The following CNKSR2 variants were observed in gnomAD, a reference collection of about 807,000 sequenced individuals.
CNKSR2 encodes the protein CNK homolog protein 2.
Under a neutral mutation model 84.4 loss-of-function variants are expected in CNKSR2, and 14 were observed. The ratio of observed to expected loss-of-function variants is 0.17; its 90% CI spans 0.11 to 0.26. The LOEUF (loss-of-function observed/expected upper bound fraction) is 0.26, where lower values mean the gene tolerates loss of function less well. Among genes scored for constraint, CNKSR2 ranks in the 10% least tolerant of loss-of-function variants. The probability of loss-of-function intolerance (pLI) is 1.00; values close to 1 mark genes in which losing one functional copy is unlikely to be tolerated. For synonymous variants in CNKSR2, 275 were observed against 277.9 expected, an observed-to-expected ratio of 0.99 and a Z score of 0.10; for missense variants, 485 against 771.2, an observed-to-expected ratio of 0.63 and a Z score of 4.40.
At chrX:21,434,917 A>G (rs1458897026) in intron 3 of CNKSR2, among the ~76,000 whole-genome samples, 2 of 107,204 alleles carry the variant, frequency 1.9e-5, no homozygotes, top group African/African-American at 6.8e-5. Context: ...TCTCCATTTT[A>G]CATATGAAAT....
intron 1 of CNKSR2, among the ~76,000 whole-genome samples, chrX:21,418,119 T>G (rs2090446682): frequency 9.0e-6 from 1 of 111,718 alleles, no homozygotes; most frequent in African/African-American, 3.2e-5. Context: ...TGATGAGAAC[T>G]TAACACTGTT....
intron 1 of CNKSR2, among the ~76,000 whole-genome samples, chrX:21,423,062 A>G (rs1165362722): frequency 8.9e-6 from 1 of 112,097 alleles, no homozygotes; most frequent in Non-Finnish European, 1.9e-5. Context: ...TGTAAACAAT[A>G]TACTTAAATG....
intron 20 of CNKSR2, chrX:21,641,469 T>C (rs2092691358): frequency 8.8e-6 from 10 of 1,136,407 alleles, no homozygotes; most frequent in South Asian, 2.0e-5. Context: ...AATACTAATA[T>C]GCTTTGGAAA....
chrX:21,422,933 A>G (rs1247229706), intron 1 of CNKSR2, among the ~76,000 whole-genome samples: 3 of 110,740 alleles, frequency 2.7e-5, no homozygotes, highest in East Asian at 2.8e-4. Flanking sequence ...GTTTTAAACT[A>G]TTAATGTTTT....
chrX:21,439,920 G>T (rs1203762884), intron 3 of CNKSR2, among the ~76,000 whole-genome samples: 3 of 109,338 alleles, frequency 2.7e-5, no homozygotes, highest in Admixed American at 2.0e-4. Context: ...ATTTTTTGAG[G>T]CAATCATTAT....
At chrX:21,393,814 A>G (rs1412493027) in intron 1 of CNKSR2, among the ~76,000 whole-genome samples, 1 of 112,626 alleles carries the variant, frequency 8.9e-6, no homozygotes, top group Admixed American at 9.4e-5. Flanking sequence ...CTACTTTCCC[A>G]AATGAAAATG....
chrX:21,580,433 G>A (rs2092346447), intron 13 of CNKSR2, among the ~76,000 whole-genome samples: 1 of 111,540 alleles, frequency 9.0e-6, no homozygotes, highest in South Asian at 3.7e-4. Flanking sequence ...ATATGATAAA[G>A]ATATTTAGAT....
At chrX:21,596,702 T>C (rs1005990193) in intron 17 of CNKSR2, among the ~76,000 whole-genome samples, 1 of 109,614 alleles carries the variant, frequency 9.1e-6, no homozygotes, top group African/African-American at 3.3e-5. Context: ...TACAAGTAAA[T>C]GGCAAAGAAA....
intron 4 of CNKSR2, 85 bp from the exon 5 acceptor site, chrX:21,470,681 A>T: frequency 2.1e-6 from 1 of 476,663 alleles, no homozygotes; most frequent in South Asian, 4.2e-5. Flanking sequence ...TAAGACTTTT[A>T]AAATTATAGT....
intron 13 of CNKSR2, among the ~76,000 whole-genome samples, chrX:21,575,692 G>A (rs899518009): frequency 1.8e-5 from 2 of 111,434 alleles, no homozygotes; most frequent in African/African-American, 3.3e-5. Flanking sequence ...CCTGGCCTGG[G>A]TGTTATAAAA....
intron 3 of CNKSR2, among the ~76,000 whole-genome samples, chrX:21,433,664 A>G (rs2090666734): frequency 9.3e-6 from 1 of 107,306 alleles, no homozygotes; most frequent in Non-Finnish European, 1.9e-5. Flanking sequence ...ACACACACAC[A>G]CACACACACA....
At chrX:21,589,976 G>T (rs2092410773) in intron 13 of CNKSR2, among the ~76,000 whole-genome samples, 1 of 111,146 alleles carries the variant, frequency 9.0e-6, no homozygotes, top group South Asian at 3.8e-4. Flanking sequence ...GATTATGGGG[G>T]TAGGTAGCTG....
intron 1 of CNKSR2, among the ~76,000 whole-genome samples, chrX:21,420,851 A>G (rs2090486063): frequency 9.0e-6 from 1 of 110,773 alleles, no homozygotes; most frequent in Admixed American, 9.6e-5. Context: ...GTTAGGGAAG[A>G]GATAATACCA....
At chrX:21,431,828 A>G (rs1358921039) in intron 2 of CNKSR2, among the ~76,000 whole-genome samples, 1 of 111,891 alleles carries the variant, frequency 8.9e-6, no homozygotes, top group East Asian at 2.8e-4. Context: ...TATAATAGAT[A>G]AGATATTTAG....
chrX:21,524,999 A>G (rs1040342919), intron 9 of CNKSR2, among the ~76,000 whole-genome samples: 46 of 110,928 alleles, frequency 4.1e-4, no homozygotes, highest in Non-Finnish European at 6.7e-4. Context: ...TTTCTTTGCT[A>G]CATTTCTATT....
At chrX:21,493,697 A>G (rs1307749038) in intron 6 of CNKSR2, 1 of 111,427 alleles carries the variant, frequency 9.0e-6, no homozygotes, top group Non-Finnish European at 1.9e-5. Context: ...AATCAGATGT[A>G]TTTCTCTGGA....
At chrX:21,551,385 T>A (rs1280900712) in intron 11 of CNKSR2, among the ~76,000 whole-genome samples, 1 of 111,951 alleles carries the variant, frequency 8.9e-6, no homozygotes, top group Non-Finnish European at 1.9e-5. Context: ...GAAAGAAAAA[T>A]CACTTTTAAT....
intron 9 of CNKSR2, among the ~76,000 whole-genome samples, chrX:21,518,922 A>C (rs2147100370): frequency 8.9e-6 from 1 of 112,046 alleles, no homozygotes; most frequent in Non-Finnish European, 1.9e-5. Context: ...GGTTCAACTA[A>C]AAGCTATTGG....
chrX:21,514,469 A>G (rs2091706720), intron 8 of CNKSR2, among the ~76,000 whole-genome samples: 1 of 112,073 alleles, frequency 8.9e-6, no homozygotes, highest in Admixed American at 9.5e-5. Context: ...AACCAATTCT[A>G]CTTTCTGATA....
Sources: gnomAD v4.1 joint callset for allele counts (sites outside exome capture counted in the v4.1 genomes callset) on GRCh38, gnomAD v4.1.1 for gene constraint, MANE v1.5 for transcripts, NCBI Gene and HGNC (gene_info 2026-07-23, HGNC 2026-07-21) for gene names.